Variants in NYAP2 observed in about 807,000 individuals in gnomAD.
NYAP2 encodes the protein neuronal tyrosine-phosphorylated phosphoinositide-3-kinase adapter 2.
Under a neutral mutation model 50.4 loss-of-function variants are expected in NYAP2, and 23 were observed. The ratio of observed to expected loss-of-function variants is 0.46; its 90% CI spans 0.33 to 0.65. The LOEUF is 0.65. NYAP2 is among the 30% of genes least tolerant of loss of function. The probability of loss-of-function intolerance (pLI) is 0.02; values close to 1 mark genes in which losing one functional copy is unlikely to be tolerated. For synonymous variants in NYAP2, 394 were observed against 365.2 expected (o/e 1.08, Z -0.90); for missense variants, 885 against 861.0 (o/e 1.03, Z -0.35).
chr2:225,433,512 T>TAA (rs201096904), intron 3 of NYAP2, among the ~76,000 whole-genome samples: 1 of 151,678 alleles, frequency 6.6e-6, no homozygotes, highest in African/African-American at 2.4e-5. Flanking sequence ...AGGGCAAATT[T>TAA]AAAAAAAAAT....
chr2:225,549,540 G>A (rs1691637271), intron 4 of NYAP2, among the ~76,000 whole-genome samples: 1 of 152,154 alleles, frequency 6.6e-6, no homozygotes, highest in African/African-American at 2.4e-5. Flanking sequence ...TGCTTGAGAT[G>A]GTTGCTTGTG....
At chr2:225,635,310 A>C (rs1430420444) in intron 6 of NYAP2, among the ~76,000 whole-genome samples, 4 of 152,194 alleles carry the variant, frequency 2.6e-5, no homozygotes, top group Non-Finnish European at 2.9e-5. Flanking sequence ...CAATATTAAT[A>C]AATTAATATT....
At chr2:225,524,814 GA>G (rs1361612016) in intron 4 of NYAP2, among the ~76,000 whole-genome samples, 1 of 151,934 alleles carries the variant, frequency 6.6e-6, no homozygotes, top group Non-Finnish European at 1.5e-5. Context: ...AGAAACTGTA[GA>G]AAAAACATTT....
chr2:225,587,092 C>T (rs1430312217), intron 5 of NYAP2, among the ~76,000 whole-genome samples: 1 of 152,280 alleles, frequency 6.6e-6, no homozygotes, highest in Non-Finnish European at 1.5e-5. Flanking sequence ...ATCACAAGAA[C>T]AGCATGGGGA....
intron 4 of NYAP2, among the ~76,000 whole-genome samples, chr2:225,540,860 C>A (rs1251342664): frequency 6.6e-6 from 1 of 152,040 alleles, no homozygotes; most frequent in Non-Finnish European, 1.5e-5. Flanking sequence ...GAGAAATCTC[C>A]AAAGTGTTCT....
chr2:225,418,538 G>T (rs1695161820), intron 3 of NYAP2, among the ~76,000 whole-genome samples: 1 of 152,172 alleles, frequency 6.6e-6, no homozygotes, highest in African/African-American at 2.4e-5. Context: ...ACAGAATTTG[G>T]TGACAGATTG....
At chr2:225,637,351 T>C (rs1209149176) in intron 6 of NYAP2, among the ~76,000 whole-genome samples, 3 of 152,198 alleles carry the variant, frequency 2.0e-5, no homozygotes, top group Admixed American at 1.3e-4. Flanking sequence ...TAGACTTCAC[T>C]GTAGGCTGTT....
chr2:225,671,834 T>C, the NYAP2 span, among the ~76,000 whole-genome samples: 1 of 152,178 alleles, frequency 6.6e-6, no homozygotes, highest in African/African-American at 2.4e-5. Flanking sequence ...TTAATCTCCT[T>C]GTACATCTCC....
At chr2:225,618,736 T>C (rs1693034618) in intron 5 of NYAP2, among the ~76,000 whole-genome samples, 2 of 152,114 alleles carry the variant, frequency 1.3e-5, no homozygotes, top group Admixed American at 1.3e-4. Context: ...CAGAAACTAG[T>C]TTACGAAGGG....
At chr2:225,595,181 A>C (rs369532978) in intron 5 of NYAP2, among the ~76,000 whole-genome samples, 6 of 152,344 alleles carry the variant, frequency 3.9e-5, no homozygotes, top group African/African-American at 9.6e-5. Context: ...GAACTGATAT[A>C]ATAAAGATAA....
At chr2:225,535,886 A>G (rs181534236) in intron 4 of NYAP2, among the ~76,000 whole-genome samples, 3 of 152,318 alleles carry the variant, frequency 2.0e-5, no homozygotes, top group African/African-American at 4.8e-5. Flanking sequence ...AGATAGATAT[A>G]GATATATCTA....
At chr2:225,534,856 C>G (rs1691319681) in intron 4 of NYAP2, among the ~76,000 whole-genome samples, 1 of 152,198 alleles carries the variant, frequency 6.6e-6, no homozygotes, top group South Asian at 2.1e-4. Flanking sequence ...GTCAGAGTAG[C>G]CTCTGGCCCA....
chr2:225,692,943 T>A, the NYAP2 span, among the ~76,000 whole-genome samples: 1 of 152,018 alleles, frequency 6.6e-6, no homozygotes, highest in Non-Finnish European at 1.5e-5. Context: ...AATTTTAAAG[T>A]AGTGTTTTTA....
At chr2:225,566,588 G>C (rs555922259) in intron 4 of NYAP2, among the ~76,000 whole-genome samples, 1 of 152,286 alleles carries the variant, frequency 6.6e-6, no homozygotes, top group East Asian at 1.9e-4. Flanking sequence ...CATTTTCCAT[G>C]GACACTTTTG....
chr2:225,627,218 T>G, intron 6 of NYAP2, 92 bp downstream of exon 6: 1 of 954,174 alleles, frequency 1.0e-6, no homozygotes, highest in Non-Finnish European at 1.6e-6. Flanking sequence ...TCACCACAGA[T>G]ATCTCTGTCT....
Position 225,510,616 on chromosome 2 carries a change from G to A in NYAP2, c.222-2755G>A, listed in dbSNP as rs941040787. Among the ~76,000 whole-genome samples, 8 of 152,274 alleles carry A rather than the reference G, an allele frequency of 5.3e-5. No homozygotes were observed. The South Asian group carries it at 1.5e-3, about 28-fold the overall frequency. ...ACCTAGATGTGCCATCACCTTTACTGTTTGTCCCTAGCCTTGACTTGAACA... is the reference window on the plus strand; with the variant it reads ...ACCTAGATGTGCCATCACCTTTACTATTTGTCCCTAGCCTTGACTTGAACA... On this transcript the variant is annotated intron_variant, in intron 3 of 6. Coordinates refer to ENST00000636099, the Ensembl canonical transcript of NYAP2.
At chr2:225,470,609 C>G (rs1037310177) in intron 3 of NYAP2, among the ~76,000 whole-genome samples, 26 of 152,064 alleles carry the variant, frequency 1.7e-4, no homozygotes, top group African/African-American at 6.3e-4. Flanking sequence ...TGAGAAATCC[C>G]CATTTTCCAC....
chr2:225,521,840 G>A (rs987105215), intron 4 of NYAP2, among the ~76,000 whole-genome samples: 3 of 152,038 alleles, frequency 2.0e-5, no homozygotes, highest in East Asian at 1.9e-4. Context: ...AATAATTTCG[G>A]AAGGAATGGT....
the NYAP2 span, among the ~76,000 whole-genome samples, chr2:225,693,501 G>A: frequency 6.6e-6 from 1 of 152,020 alleles, no homozygotes; most frequent in African/African-American, 2.4e-5. Flanking sequence ...TGGGGTGCCA[G>A]AACAGAATAC....
Sources: gnomAD v4.1 joint callset for allele counts (sites outside exome capture counted in the v4.1 genomes callset) on GRCh38, gnomAD v4.1.1 for gene constraint, MANE v1.5 for transcripts, NCBI Gene and HGNC (gene_info 2026-07-23, HGNC 2026-07-21) for gene names.